The following NUP153 variants were observed in gnomAD, a reference collection of about 807,000 sequenced individuals.
The protein encoded by NUP153 is nuclear pore complex protein Nup153.
A neutral mutation model predicts 134.6 loss-of-function variants in NUP153; 27 were observed. The ratio of observed to expected loss-of-function variants is 0.20; its 90% CI spans 0.15 to 0.28. The LOEUF (loss-of-function observed/expected upper bound fraction) is 0.28, where lower values mean the gene tolerates loss of function less well. Among genes scored for constraint, NUP153 ranks in the 10% least tolerant of loss-of-function variants. The pLI, the probability that NUP153 is intolerant of heterozygous loss-of-function variation, is 1.00. For synonymous variants in NUP153, 640 were observed against 623.5 expected, an observed-to-expected ratio of 1.03 and a Z score of -0.40; for missense variants, 1,821 against 1,731.3, an observed-to-expected ratio of 1.05 and a Z score of -0.92.
intron 8 of NUP153, among the ~76,000 whole-genome samples, chr6:17,667,903 A>C (rs1418941299): frequency 6.6e-6 from 1 of 152,114 alleles, no homozygotes; most frequent in Non-Finnish European, 1.5e-5. Context: ...GCAAGATATA[A>C]TGATCAACTT....
In NUP153 at chr6:17,624,750, G is replaced by T; in HGVS notation, c.3985C>A (p.Gln1329Lys). The T allele has an allele frequency of 6.2e-7, 1 of 1,614,142 alleles. No homozygotes were observed. Among genetic ancestry groups the T allele is most frequent in the East Asian group, 2.2e-5 (1 of 44,880 alleles). The stretch of plus-strand genomic sequence containing the variant: ...TTGGGCTGGCTGGCACCTTGACTTT[G>T]TCCAAATGTTGGGGTCTGGTTAGCA... The part of the protein sequence containing the change: ...FGANQTPTFG[Q>K]SQGASQPNPP... The change falls in exon 20 of 22, where the codon CAA (glutamine) becomes AAA (lysine). Residue 1329 changes from glutamine to lysine, a missense_variant. Physicochemically the swap from Gln to Lys is moderately conservative, Grantham distance 53. Coordinates refer to ENST00000262077, the MANE Select transcript of NUP153 (RefSeq NM_005124.4).
At chr6:17,677,146 G>A (rs913454937) in intron 2 of NUP153, among the ~76,000 whole-genome samples, 1 of 152,150 alleles carries the variant, frequency 6.6e-6, no homozygotes, top group Non-Finnish European at 1.5e-5. Flanking sequence ...AGCCACAGGG[G>A]AGACAGAGCT....
intron 1 of NUP153, among the ~76,000 whole-genome samples, chr6:17,691,050 G>C (rs1352207499): frequency 2.0e-5 from 3 of 152,158 alleles, no homozygotes; most frequent in Non-Finnish European, 4.4e-5. Context: ...GCTGAGGCAG[G>C]AAAATTGCTT....
At chr6:17,704,488 G>T (rs1770344522) in intron 1 of NUP153, among the ~76,000 whole-genome samples, 1 of 152,104 alleles carries the variant, frequency 6.6e-6, no homozygotes, top group Admixed American at 6.6e-5. Flanking sequence ...TCTACAGACG[G>T]ATTAGGTTAA....
In NUP153 at chr6:17,675,623, G is replaced by C; in HGVS notation, c.482C>G (p.Ser161Trp). ...STSSAFPIGSSGFSLVKEIKD... is the reference protein window; with the variant it reads ...STSSAFPIGSWGFSLVKEIKD... ...AATTTCCTTTACAAGGGAAAATCCC[G>C]AACTGCCAATTGGGAATGCCGAGGA... The change falls in exon 3 of 22, where the codon TCG (serine) becomes TGG (tryptophan). Residue 161 changes from serine to tryptophan, a missense_variant. By Grantham distance (177) the Ser-to-Trp change is radical (BLOSUM62 -3). Transcript: ENST00000262077. The surrounding 1 kb of genome is among the most constrained non-coding windows in gnomAD (Gnocchi z 4.4). 1 of 1,614,020 alleles carries C rather than the reference G, an allele frequency of 6.2e-7. No individual in the cohort carries two copies. Among genetic ancestry groups the C allele is most frequent in the East Asian group, 2.2e-5 (1 of 44,854 alleles).
rs12194703 is a variant in NUP153, at chr6:17,699,231, T to C, written c.111+7046A>G. 8.9e-3 allele frequency among the ~76,000 whole-genome samples: 1,341 copies of C among 151,276 alleles called. 10 individuals carry two copies. The highest frequency in any genetic ancestry group is 0.014 in the Middle Eastern group (4 of 288). On this transcript the variant is annotated intron_variant, in intron 1 of 21. Transcript: ENST00000262077. The stretch of plus-strand genomic sequence containing the variant: ...ATACAAGCTAGCTGGGCGTGGTGGC[T>C]CAAGCCTGTAATCCCAACACTTTGG...
Position 17,615,842 on chromosome 6 carries a change from T to C in NUP153, c.*255A>G. Reference sequence around the variant, plus strand: ...CTGGGTACAGCCAGACTATGTCAAATCAGTGAATAATCTGCTGGATCATAA... The same window carrying C: ...CTGGGTACAGCCAGACTATGTCAAACCAGTGAATAATCTGCTGGATCATAA... On this transcript the variant is annotated 3_prime_UTR_variant, in exon 22 of 22. Coordinates refer to ENST00000262077, the MANE Select transcript of NUP153 (RefSeq NM_005124.4). The surrounding 1 kb of genome is among the most constrained non-coding windows in gnomAD (Gnocchi z 5.7). 4.8e-6 allele frequency: 2 copies of C among 415,292 alleles called. No individual in the cohort carries two copies. Among genetic ancestry groups the C allele is most frequent in the South Asian group, 7.7e-5 (2 of 25,874 alleles). The allele number at this position is 415,292 out of a possible 1,614,324, so 25.7% of individuals were successfully genotyped here. A position where few individuals can be genotyped will look rare whatever the true frequency, so the allele number is the denominator to read the frequency against.
Position 17,633,011 on chromosome 6 carries a change from A to AT in NUP153, c.2465-168dup, listed in dbSNP as rs530402847. 8.5e-5 allele frequency among the ~76,000 whole-genome samples: 13 copies of AT among 152,288 alleles called. No homozygotes were observed. The East Asian group carries it at 2.5e-3, about 29-fold the overall frequency. ...GAAATAGACAACTGTTCATATTTAC[A>AT]TTGTTTAAAAAAAAGAATAGACCTC... is the stretch of plus-strand genomic sequence containing the variant. On this transcript the variant is annotated intron_variant, in intron 16 of 21. Coordinates refer to ENST00000262077, the MANE Select transcript of NUP153 (RefSeq NM_005124.4).
intron 1 of NUP153, among the ~76,000 whole-genome samples, chr6:17,691,205 T>C (rs114055481): frequency 0.013 from 1,975 of 152,284 alleles, 19 homozygotes; most frequent in Non-Finnish European, 0.02. Flanking sequence ...TATTCTTCCA[T>C]GTATTGTGCA....
At position 17,646,137 on chromosome 6, in the gene NUP153, A is replaced by G; in HGVS notation, c.1650T>C (p.Ser550=). 6.3e-7 allele frequency: 1 copy of G among 1,588,136 alleles called. No individual in the cohort carries two copies. The highest frequency in any genetic ancestry group is 8.6e-7 in the Non-Finnish European group (1 of 1,156,814). The part of the protein sequence containing the change: ...LPPSSIGFTF[S]VPVAKTAELS... ...GTTCTGCTGTTTTTGCAACAGGCAC[A>G]CTAAATGTAAATCCAATCTGTAAAG... The change falls in exon 14 of 22, where the codon AGT becomes AGC. Residue 550 remains serine (S), a synonymous_variant. Transcript: ENST00000262077.
At chr6:17,653,661 T>C (rs954732335) in intron 11 of NUP153, among the ~76,000 whole-genome samples, 2 of 152,170 alleles carry the variant, frequency 1.3e-5, no homozygotes, top group Non-Finnish European at 2.9e-5. Context: ...TGAGTAACTA[T>C]ATGAAGTTGC....
At position 17,628,752 on chromosome 6, in the gene NUP153, G is replaced by A. The variant is rs1272132438; in HGVS notation, c.3447C>T (p.Ser1149=). The change falls in exon 18 of 22, where the codon TCC becomes TCT. Residue 1149 remains serine, a synonymous_variant. Transcript: ENST00000262077. This position sits in a 1 kb window ranked among gnomAD's most constrained non-coding sequence, Gnocchi z 5.4. ...GTTTTGTCATACTAAAACTAAATGTGGACTTTGAAGAATTCTCATCTTTGG... is the reference window on the plus strand; with the variant it reads ...GTTTTGTCATACTAAAACTAAATGTAGACTTTGAAGAATTCTCATCTTTGG... ...EQTKDENSSK[S]TFSFSMTKPS... 3.1e-6 allele frequency: 5 copies of A among 1,613,968 alleles called. No homozygotes were observed. The highest frequency in any genetic ancestry group is 4.2e-6 in the Non-Finnish European group (5 of 1,179,990).
Position 17,637,201 on chromosome 6 carries a change from T to G in NUP153, c.2416A>C (p.Asn806His). Residue 806 changes from asparagine (N) to histidine (H), a missense_variant, in exon 16 of 22, where the codon AAT (asparagine) becomes CAT (histidine). Transcript: ENST00000262077. The stretch of plus-strand genomic sequence containing the variant: ...ACACACTTATTGTCTTCTGCATTAT[T>G]AGAAACACAGCATACTGAACACTCC... Reference protein sequence around the residue: ...SWECSVCCVSNNAEDNKCVSC... With the variant: ...SWECSVCCVSHNAEDNKCVSC... 6.2e-7 allele frequency: 1 copy of G among 1,614,146 alleles called. No individual in the cohort carries two copies. Among genetic ancestry groups the G allele is most frequent in the Non-Finnish European group, 8.5e-7 (1 of 1,179,972 alleles).
At chr6:17,654,528 G>A (rs1766694503) in intron 11 of NUP153, among the ~76,000 whole-genome samples, 3 of 152,046 alleles carry the variant, frequency 2.0e-5, no homozygotes, top group Admixed American at 6.6e-5. Flanking sequence ...CACCATGTTG[G>A]CCAGGCTGGT....
Position 17,675,894 on chromosome 6 carries a change from C to T in NUP153, c.335-124G>A. On this transcript the variant is annotated intron_variant, in intron 2 of 21. Transcript: ENST00000262077. The surrounding 1 kb of genome is among the most constrained non-coding windows in gnomAD (Gnocchi z 4.4). ...GCTTCAATTCAAATCACTGGGGCAT[C>T]CCATAATAAGCCCAATATAACATAC... 1 of 894,728 alleles carries T rather than the reference C, an allele frequency of 1.1e-6. No individual in the cohort carries two copies. Among genetic ancestry groups the T allele is most frequent in the Non-Finnish European group, 1.7e-6 (1 of 574,412 alleles). The allele number at this position is 894,728 out of a possible 1,614,324, so 55.4% of individuals were successfully genotyped here. A position where few individuals can be genotyped will look rare whatever the true frequency, so the allele number is the denominator to read the frequency against.
At chr6:17,661,828 A>G (rs1767204397) in intron 10 of NUP153, 49 bp from the exon 11 acceptor site, 1 of 1,556,354 alleles carries the variant, frequency 6.4e-7, no homozygotes, top group Non-Finnish European at 8.7e-7. Context: ...ATTGTGGTCC[A>G]TAACTTGTTA....
intron 1 of NUP153, among the ~76,000 whole-genome samples, chr6:17,704,838 C>G (rs966307610): frequency 1.3e-5 from 2 of 151,868 alleles, no homozygotes; most frequent in Non-Finnish European, 2.9e-5. Flanking sequence ...CTGCTCACGG[C>G]AAGCTCCGCC....
intron 2 of NUP153, among the ~76,000 whole-genome samples, chr6:17,683,879 C>T (rs928354956): frequency 3.3e-5 from 5 of 152,112 alleles, no homozygotes; most frequent in Non-Finnish European, 7.4e-5. Flanking sequence ...GTTTGTCCCT[C>T]CAAATCCTAT....
intron 11 of NUP153, among the ~76,000 whole-genome samples, chr6:17,652,179 T>C (rs1766533828): frequency 6.6e-6 from 1 of 152,102 alleles, no homozygotes; most frequent in Admixed American, 6.6e-5. Context: ...GAAAAATGAA[T>C]AAGAACAAAG....
Sources: allele counts gnomAD v4.1 joint callset (sites outside exome capture counted in the v4.1 genomes callset), GRCh38; gene constraint gnomAD v4.1.1; non-coding constraint Gnocchi (gnomAD v3.1); transcripts MANE v1.5; gene names NCBI Gene and HGNC (gene_info 2026-07-23, HGNC 2026-07-21).